The following FRMD4B variants were observed in gnomAD, a reference collection of about 807,000 sequenced individuals.
FRMD4B encodes the protein FERM domain containing 4B, also known as FERM domain-containing protein 4B.
FRMD4B carries 74 observed loss-of-function variants against 141.5 expected under a neutral mutation model. The ratio of observed to expected loss-of-function variants is 0.52; its 90% CI spans 0.43 to 0.63. FRMD4B has a LOEUF of 0.63. FRMD4B is among the 30% of genes least tolerant of loss of function. The pLI is 0.00. For missense variants in FRMD4B, 1,366 were observed against 1,253.4 expected (o/e 1.09, Z -1.36); for synonymous variants, 506 against 467.9 (o/e 1.08, Z -1.05).
At chr3:69,203,705 G>A (rs532233137) in intron 11 of FRMD4B, among the ~76,000 whole-genome samples, 84 of 152,266 alleles carry the variant, frequency 5.5e-4, no homozygotes, top group Non-Finnish European at 9.1e-4. Flanking sequence ...GAGAGTTGTC[G>A]GAAGGGATCA....
intron 1 of FRMD4B, among the ~76,000 whole-genome samples, chr3:69,460,119 A>G (rs1705687266): frequency 1.3e-5 from 2 of 152,176 alleles, no homozygotes; most frequent in Admixed American, 1.3e-4. Context: ...AGAGATTTCC[A>G]TCACACATGT....
chr3:69,342,897 C>T (rs910830223), intron 1 of FRMD4B, among the ~76,000 whole-genome samples: 1 of 151,998 alleles, frequency 6.6e-6, no homozygotes, highest in African/African-American at 2.4e-5. Flanking sequence ...ACACTAGAGG[C>T]TAGGAAGGGT....
At chr3:69,501,637 C>A (rs1235887568) in intron 1 of FRMD4B, among the ~76,000 whole-genome samples, 1 of 152,182 alleles carries the variant, frequency 6.6e-6, no homozygotes, top group Non-Finnish European at 1.5e-5. Context: ...GGGATGCCCT[C>A]TCTCACCACT....
At chr3:69,437,699 T>A (rs1480694375) in intron 1 of FRMD4B, among the ~76,000 whole-genome samples, 1 of 132,054 alleles carries the variant, frequency 7.6e-6, no homozygotes, top group African/African-American at 2.9e-5. Context: ...GTAGTATATA[T>A]ACTATATAAA....
rs183186831 is a variant in FRMD4B at position 69,375,992 on chromosome 3, T to C, written c.162+9836A>G. 3.6e-3 allele frequency among the ~76,000 whole-genome samples: 550 copies of C among 152,268 alleles called. 6 individuals are homozygous for C. Among genetic ancestry groups the C allele is most frequent in the African/African-American group, 0.013 (523 of 41,556 alleles). The stretch of plus-strand genomic sequence containing the variant: ...ATTGATATATTCATGCAATGGGATA[T>C]AGGGATTGAAAATGAATTTAGAGAT... On this transcript the variant is annotated intron_variant, in intron 1 of 22. Transcript: ENST00000398540.
At chr3:69,443,213 C>T (rs1705365893) in intron 1 of FRMD4B, among the ~76,000 whole-genome samples, 1 of 152,134 alleles carries the variant, frequency 6.6e-6, no homozygotes, top group Non-Finnish European at 1.5e-5. Flanking sequence ...CCACAATTTA[C>T]TCAATCATGC....
rs554205623 is a variant in FRMD4B at position 69,187,955 on chromosome 3, G to A, written c.1772-38C>T. The A allele has an allele frequency of 7.9e-6, 9 of 1,137,700 alleles. No individual in the cohort carries two copies. In the East Asian group the frequency reaches 2.4e-4, roughly 30 times the overall value. The allele number at this position is 1,137,700 out of a possible 1,614,324, so 70.5% of individuals were successfully genotyped here. ...AATGGGTGAATGAAAAAATAAGTAG[G>A]CAAATTAATAGGTAAATAAATATCT... On this transcript the variant is annotated intron_variant, in intron 18 of 22. Coordinates refer to ENST00000398540, the MANE Select transcript of FRMD4B (RefSeq NM_015123.3).
intron 5 of FRMD4B, among the ~76,000 whole-genome samples, chr3:69,250,925 C>CAA (rs534564849): frequency 0.019 from 2,822 of 150,480 alleles, 113 homozygotes; most frequent in African/African-American, 0.066. Flanking sequence ...TCATCTCTAC[C>CAA]AAAAAAGAAA....
intron 1 of FRMD4B, among the ~76,000 whole-genome samples, chr3:69,524,129 T>C (rs549891131): frequency 2.6e-4 from 39 of 152,198 alleles, no homozygotes; most frequent in African/African-American, 9.2e-4. Flanking sequence ...AGATAACAAA[T>C]GTAAAGTTTC....
At chr3:69,224,583 A>C in intron 8 of FRMD4B, 24 bp downstream of exon 8, 1 of 1,129,932 alleles carries the variant, frequency 8.9e-7, no homozygotes, top group Non-Finnish European at 1.3e-6. Context: ...AAAATGAGAC[A>C]CCTGTTATGT....
At chr3:69,387,964 T>C (rs1314236715), upstream of FRMD4B, among the ~76,000 whole-genome samples, 1 of 152,136 alleles carries the variant, frequency 6.6e-6, no homozygotes, top group African/African-American at 2.4e-5. Flanking sequence ...AATCTGAATA[T>C]AATAGATTTT....
intron 2 of FRMD4B, among the ~76,000 whole-genome samples, chr3:69,419,614 T>G (rs1296402019): frequency 6.6e-6 from 1 of 152,156 alleles, no homozygotes; most frequent in African/African-American, 2.4e-5. Context: ...AAACTGGGAC[T>G]CTCTTACCAG....
chr3:69,285,930 C>T (rs1242145200), intron 5 of FRMD4B, among the ~76,000 whole-genome samples: 2 of 151,956 alleles, frequency 1.3e-5, no homozygotes, highest in African/African-American at 4.8e-5. Flanking sequence ...ATATTCCATA[C>T]AGAAACACAA....
intron 1 of FRMD4B, among the ~76,000 whole-genome samples, chr3:69,486,474 G>T (rs368497538): frequency 1.1e-4 from 16 of 152,144 alleles, no homozygotes; most frequent in East Asian, 5.8e-4. Context: ...ACACTATATG[G>T]ACAAAAGAAA....
At chr3:69,256,687 T>G (rs1007442399) in intron 5 of FRMD4B, among the ~76,000 whole-genome samples, 2 of 152,176 alleles carry the variant, frequency 1.3e-5, no homozygotes, top group African/African-American at 2.4e-5. Context: ...AGACCTCTAC[T>G]ACCCTACAAG....
chr3:69,323,001 A>G (rs937807653), intron 1 of FRMD4B: 10 of 973,930 alleles, frequency 1.0e-5, no homozygotes, highest in Non-Finnish European at 9.8e-6. Context: ...GTACCAAAGT[A>G]GGACTCCTGT....
At position 69,207,941 on chromosome 3, in the gene FRMD4B, G is replaced by A. The variant is rs558033889; in HGVS notation, c.876+8322C>T. Among the ~76,000 whole-genome samples, 17 of 152,198 alleles carry A rather than the reference G, an allele frequency of 1.1e-4. 1 individual carries two copies. In the South Asian group the frequency reaches 2.3e-3, roughly 20 times the overall value. ...TCCAGCTACAGTGGTGTGCAGTGGCGCCATCTTGGCTCACTGTAACTTCCG... is the reference window on the plus strand; with the variant it reads ...TCCAGCTACAGTGGTGTGCAGTGGCACCATCTTGGCTCACTGTAACTTCCG... On this transcript the variant is annotated intron_variant, in intron 11 of 22. Coordinates refer to ENST00000398540, the MANE Select transcript of FRMD4B (RefSeq NM_015123.3).
At chr3:69,179,538 C>T (rs2092683664) in intron 21 of FRMD4B, among the ~76,000 whole-genome samples, 1 of 152,154 alleles carries the variant, frequency 6.6e-6, no homozygotes, top group Admixed American at 6.5e-5. Flanking sequence ...TAGTGGAAGT[C>T]CAAAGTCCTG....
chr3:69,255,540 A>G (rs538475455), intron 5 of FRMD4B, among the ~76,000 whole-genome samples: 162 of 151,948 alleles, frequency 1.1e-3, no homozygotes, highest in African/African-American at 3.6e-3. Context: ...GCAAGACCCC[A>G]TCTCTTAAAA....
Sources: gnomAD v4.1 joint callset for allele counts (sites outside exome capture counted in the v4.1 genomes callset) on GRCh38, gnomAD v4.1.1 for gene constraint, MANE v1.5 for transcripts, NCBI Gene and HGNC (gene_info 2026-07-23, HGNC 2026-07-21) for gene names.